The following TTC28 variants were observed in gnomAD, a reference collection of about 807,000 sequenced individuals.
The protein encoded by TTC28 is tetratricopeptide repeat protein 28.
In TTC28, 61 loss-of-function variants were observed where a neutral mutation model predicts 198.0. The ratio of observed to expected loss-of-function variants is 0.31; its 90% CI spans 0.25 to 0.38. The LOEUF (loss-of-function observed/expected upper bound fraction) is 0.38, where lower values mean the gene tolerates loss of function less well. Among genes scored for constraint, TTC28 ranks in the 10% least tolerant of loss-of-function variants. TTC28 has a pLI of 1.00. For missense variants in TTC28, 2,678 were observed against 3,164.0 expected, an observed-to-expected ratio of 0.85 and a Z score of 3.69; for synonymous variants, 1,171 against 1,297.8, an observed-to-expected ratio of 0.90 and a Z score of 2.10.
intron 2 of TTC28, among the ~76,000 whole-genome samples, chr22:28,432,242 C>A (rs1029343186): frequency 1.1e-4 from 16 of 150,360 alleles, no homozygotes; most frequent in Admixed American, 1.1e-3. Flanking sequence ...GCCGAGATCA[C>A]GCCACTGCAC....
rs550975620 is a variant in TTC28, at chr22:28,083,688, G to A, written c.3932+10392C>T. ...TGCAGGACAGCGGGTGCAGCGCACC[G>A]TGCATGAGATGAAGCAGGGCGAGGC... On this transcript the variant is annotated intron_variant, in intron 12 of 22. Transcript: ENST00000397906. Among the ~76,000 whole-genome samples, 12 of 152,328 alleles carry A rather than the reference G, an allele frequency of 7.9e-5. No individual in the cohort carries two copies. In the South Asian group the frequency reaches 8.3e-4, roughly 11 times the overall value.
At chr22:28,218,100 C>T (rs1927547210) in intron 5 of TTC28, among the ~76,000 whole-genome samples, 1 of 152,130 alleles carries the variant, frequency 6.6e-6, no homozygotes, top group Non-Finnish European at 1.5e-5. Context: ...TATACCAAAA[C>T]TTGACACGTG....
intron 12 of TTC28, among the ~76,000 whole-genome samples, chr22:28,077,873 A>T (rs1569124232): frequency 1.3e-5 from 2 of 152,302 alleles, no homozygotes; most frequent in Non-Finnish European, 1.5e-5. Context: ...CTCCTTCCAG[A>T]CCTGACCTAC....
intron 5 of TTC28, among the ~76,000 whole-genome samples, chr22:28,286,297 T>C (rs1363659675): frequency 3.9e-5 from 6 of 152,332 alleles, no homozygotes; most frequent in Admixed American, 2.0e-4. Context: ...TTAAACTTTC[T>C]AGTAATCCAT....
intron 6 of TTC28, among the ~76,000 whole-genome samples, chr22:28,142,828 G>A (rs1173919818): frequency 6.6e-6 from 1 of 152,148 alleles, no homozygotes; most frequent in Non-Finnish European, 1.5e-5. Flanking sequence ...TAGGCATACT[G>A]TCATTCATAA....
chr22:28,137,051 A>G (rs991287849), intron 6 of TTC28, among the ~76,000 whole-genome samples: 2 of 152,196 alleles, frequency 1.3e-5, no homozygotes, highest in Non-Finnish European at 2.9e-5. Flanking sequence ...ACTCTTAACC[A>G]GTATTCTCAT....
chr22:27,984,872 C>T (rs898349796), intron 22 of TTC28, among the ~76,000 whole-genome samples: 10 of 152,316 alleles, frequency 6.6e-5, no homozygotes, highest in East Asian at 1.9e-4. Context: ...GAACATCAGT[C>T]GGGCTGGGTG....
At chr22:28,652,393 A>T (rs1204646844) in intron 1 of TTC28, among the ~76,000 whole-genome samples, 2 of 152,206 alleles carry the variant, frequency 1.3e-5, no homozygotes, top group Admixed American at 1.3e-4. Flanking sequence ...CTGCAATCTA[A>T]TTCTAATTGC....
intron 2 of TTC28, among the ~76,000 whole-genome samples, chr22:28,473,927 G>C (rs535540032): frequency 6.6e-6 from 1 of 152,322 alleles, no homozygotes; most frequent in South Asian, 2.1e-4. Flanking sequence ...CTGACACCAT[G>C]TCCTGGTCTC....
chr22:28,406,208 A>G (rs2046995880), intron 2 of TTC28, among the ~76,000 whole-genome samples: 1 of 152,270 alleles, frequency 6.6e-6, no homozygotes, highest in African/African-American at 2.4e-5. Context: ...CTTAAATTAC[A>G]ATGAATTAGT....
intron 1 of TTC28, chr22:28,643,369 A>G (rs1444291253): frequency 1.3e-5 from 2 of 152,220 alleles, no homozygotes; most frequent in Non-Finnish European, 2.9e-5. Context: ...AGAAGCTAAT[A>G]TAAGAGTGTA....
chr22:28,586,096 T>C (rs760143737), intron 2 of TTC28, among the ~76,000 whole-genome samples: 17 of 151,742 alleles, frequency 1.1e-4, no homozygotes, highest in Non-Finnish European at 2.2e-4. Flanking sequence ...CTGGCTAACA[T>C]GGTGAAACCC....
At chr22:28,105,847 G>A in intron 7 of TTC28, 45 bp from the exon 8 acceptor site, 1 of 1,496,860 alleles carries the variant, frequency 6.7e-7, no homozygotes, top group East Asian at 2.5e-5. Flanking sequence ...TTTCATGCAG[G>A]TGCAGACATG....
At chr22:28,012,415 T>C (rs1938197765) in intron 14 of TTC28, among the ~76,000 whole-genome samples, 1 of 152,172 alleles carries the variant, frequency 6.6e-6, no homozygotes, top group Non-Finnish European at 1.5e-5. Flanking sequence ...GGAGGGACAG[T>C]GGCAGTGACC....
chr22:28,367,000 A>G (rs933633658), intron 2 of TTC28, among the ~76,000 whole-genome samples: 2 of 152,128 alleles, frequency 1.3e-5, no homozygotes, highest in African/African-American at 4.8e-5. Flanking sequence ...GGAGACTTCA[A>G]TAGCCCACTT....
chr22:28,002,679 A>G (rs1202371958), intron 14 of TTC28: 1 of 152,132 alleles, frequency 6.6e-6, no homozygotes, highest in African/African-American at 2.4e-5. Context: ...TATTAGGCCA[A>G]TTTGTTTTTC....
At chr22:28,533,331 C>T (rs1601526881) in intron 2 of TTC28, among the ~76,000 whole-genome samples, 2 of 152,048 alleles carry the variant, frequency 1.3e-5, no homozygotes, top group East Asian at 1.9e-4. Flanking sequence ...GAATAAAATA[C>T]CTAGGAATCC....
At chr22:28,057,117 T>G (rs1161099307) in intron 12 of TTC28, among the ~76,000 whole-genome samples, 1 of 152,200 alleles carries the variant, frequency 6.6e-6, no homozygotes, top group East Asian at 1.9e-4. Context: ...TAAAATTCTT[T>G]TTGTGAACAT....
chr22:28,453,528 C>A (rs1235076540), intron 2 of TTC28, among the ~76,000 whole-genome samples: 1 of 152,142 alleles, frequency 6.6e-6, no homozygotes, highest in Non-Finnish European at 1.5e-5. Context: ...AAATCTGGTC[C>A]TTCTTCAATT....
Sources: gnomAD v4.1 joint callset for allele counts (sites outside exome capture counted in the v4.1 genomes callset) on GRCh38, gnomAD v4.1.1 for gene constraint, MANE v1.5 for transcripts, NCBI Gene and HGNC (gene_info 2026-07-23, HGNC 2026-07-21) for gene names.